Variants in CALCR observed in about 807,000 individuals in gnomAD.
CALCR encodes calcitonin receptor.
In CALCR, 47 loss-of-function variants were observed where a neutral mutation model predicts 59.5. That is an observed-to-expected ratio of 0.79 (90% CI 0.63 to 1.01). CALCR has a LOEUF of 1.01. Among genes scored for constraint, CALCR ranks in the 50% least tolerant of loss-of-function variants. The pLI is 0.00. For synonymous variants in CALCR, 213 were observed against 211.3 expected, an observed-to-expected ratio of 1.01 and a Z score of -0.07; for missense variants, 566 against 597.1, an observed-to-expected ratio of 0.95 and a Z score of 0.54.
intron 2 of CALCR, among the ~76,000 whole-genome samples, chr7:93,500,332 G>A (rs1801295930): frequency 6.6e-6 from 1 of 151,812 alleles, no homozygotes; most frequent in South Asian, 2.1e-4. Context: ...ATTCTGTTTG[G>A]TTCTGATATC....
At chr7:93,460,286 T>C (rs1187878995) in intron 8 of CALCR, among the ~76,000 whole-genome samples, 1 of 151,998 alleles carries the variant, frequency 6.6e-6, no homozygotes, top group African/African-American at 2.4e-5. Context: ...CCGGGTGTGG[T>C]GGCTCACACC....
intron 2 of CALCR, among the ~76,000 whole-genome samples, chr7:93,539,543 A>G (rs892597096): frequency 2.0e-5 from 3 of 152,078 alleles, no homozygotes; most frequent in Non-Finnish European, 4.4e-5. Flanking sequence ...CTGACAATGT[A>G]TTCTTTGGTC....
At chr7:93,522,236 TG>T (rs1801779386) in intron 2 of CALCR, among the ~76,000 whole-genome samples, 1 of 152,126 alleles carries the variant, frequency 6.6e-6, no homozygotes, top group Non-Finnish European at 1.5e-5. Flanking sequence ...ATAAAGAAAA[TG>T]GCTTTAAATA....
intron 2 of CALCR, among the ~76,000 whole-genome samples, chr7:93,519,930 CA>C (rs1464041349): frequency 6.6e-6 from 1 of 151,904 alleles, no homozygotes; most frequent in Non-Finnish European, 1.5e-5. Context: ...AATGGTGAGT[CA>C]ATTAAACCTC....
chr7:93,535,751 C>A (rs1788968145), intron 2 of CALCR, among the ~76,000 whole-genome samples: 1 of 151,548 alleles, frequency 6.6e-6, no homozygotes. Context: ...GCTGTGTATG[C>A]TCTTTATGGA....
chr7:93,468,835 C>A (rs1382543813), intron 6 of CALCR, 29 bp from the exon 7 acceptor site: 2 of 1,266,516 alleles, frequency 1.6e-6, no homozygotes, highest in Non-Finnish European at 2.3e-6. Context: ...AACAAACAAA[C>A]AATGAATGAA....
intron 2 of CALCR, among the ~76,000 whole-genome samples, chr7:93,539,333 G>T (rs1789070364): frequency 6.6e-6 from 1 of 151,830 alleles, no homozygotes; most frequent in Non-Finnish European, 1.5e-5. Context: ...TTGCCATTTA[G>T]AGTAGGTGTA....
intron 13 of CALCR, among the ~76,000 whole-genome samples, chr7:93,429,373 G>A (rs17165396): frequency 0.062 from 9,469 of 152,242 alleles, 436 homozygotes; most frequent in Admixed American, 0.14. Context: ...TCAGTTGTAA[G>A]TGGGATAAAT....
At chr7:93,436,506 C>A (rs1562973101) in intron 11 of CALCR, among the ~76,000 whole-genome samples, 1 of 152,082 alleles carries the variant, frequency 6.6e-6, no homozygotes, top group Non-Finnish European at 1.5e-5. Context: ...TCTGCATTTT[C>A]CTGATGATAC....
chr7:93,453,764 T>C (rs759833816), intron 8 of CALCR, among the ~76,000 whole-genome samples: 5 of 151,926 alleles, frequency 3.3e-5, no homozygotes, highest in Non-Finnish European at 7.4e-5. Context: ...GGGTATATGT[T>C]TATATCCACT....
chr7:93,467,981 A>G (rs973203244), intron 7 of CALCR, among the ~76,000 whole-genome samples: 3 of 151,572 alleles, frequency 2.0e-5, no homozygotes, highest in Non-Finnish European at 3.0e-5. Flanking sequence ...CTGAATCTAC[A>G]TTTGTGAACA....
At chr7:93,430,893 G>A (rs1321271470) in intron 13 of CALCR, among the ~76,000 whole-genome samples, 1 of 152,200 alleles carries the variant, frequency 6.6e-6, no homozygotes, top group Non-Finnish European at 1.5e-5. Flanking sequence ...GCTTAGCATT[G>A]AGACTCAAAG....
intron 2 of CALCR, among the ~76,000 whole-genome samples, chr7:93,540,580 C>G (rs1789105589): frequency 6.6e-6 from 1 of 151,824 alleles, no homozygotes; most frequent in Non-Finnish European, 1.5e-5. Context: ...GGCTAATAAA[C>G]TCTATCTTTT....
At chr7:93,566,656 T>C (rs1789869988) in intron 2 of CALCR, among the ~76,000 whole-genome samples, 1 of 152,176 alleles carries the variant, frequency 6.6e-6, no homozygotes, top group Admixed American at 6.6e-5. Flanking sequence ...GCTGGGTCCC[T>C]GTAAGTTTTC....
rs140748927 is a variant in CALCR at position 93,452,066 on chromosome 7, G to C, written c.649-8309C>G. 1.3e-3 allele frequency among the ~76,000 whole-genome samples: 191 copies of C among 151,950 alleles called. No homozygotes were observed. The Middle Eastern group carries it at 0.014, about 11-fold the overall frequency. ...GTATGTGTTGAAAAACCAGTTATTG[G>C]GTACTATGCTCACTACCTGAGTGAC... On this transcript the variant is annotated intron_variant, in intron 8 of 13. Transcript: ENST00000426151.
chr7:93,483,772 G>A (rs2115913850), intron 3 of CALCR, among the ~76,000 whole-genome samples: 1 of 151,446 alleles, frequency 6.6e-6, no homozygotes, highest in South Asian at 2.1e-4. Context: ...TTATTTCAGG[G>A]GGTTAAATAA....
chr7:93,568,555 C>CTCTCTG (rs1789924494), intron 2 of CALCR, among the ~76,000 whole-genome samples: 1 of 139,402 alleles, frequency 7.2e-6, no homozygotes, highest in African/African-American at 2.8e-5. Context: ...CTCTCTCTCT[C>CTCTCTG]TGTCTCTCTC....
At position 93,434,798 on chromosome 7, in the gene CALCR, C is replaced by T. The variant is rs114663436; in HGVS notation, c.1150-504G>A. ...ACTAAGAAACTGCCTGAGTCCTGGT[C>T]ACTGCTTGAAGATTTCTTGTGCCCA... On this transcript the variant is annotated intron_variant, in intron 12 of 13. Coordinates refer to ENST00000426151, the MANE Select transcript of CALCR (RefSeq NM_001742.4). Among the ~76,000 whole-genome samples the T allele has an allele frequency of 5.1e-3, 776 of 152,276 alleles. 8 individuals carry two copies. Among genetic ancestry groups the T allele is most frequent in the African/African-American group, 0.018 (753 of 41,542 alleles).
chr7:93,560,711 AT>A (rs1789725818), intron 2 of CALCR, among the ~76,000 whole-genome samples: 1 of 152,162 alleles, frequency 6.6e-6, no homozygotes, highest in Non-Finnish European at 1.5e-5. Flanking sequence ...GCACATTTAA[AT>A]CAGTGGCATT....
Sources: allele counts gnomAD v4.1 joint callset (sites outside exome capture counted in the v4.1 genomes callset), GRCh38; gene constraint gnomAD v4.1.1; transcripts MANE v1.5; gene names NCBI Gene and HGNC (gene_info 2026-07-23, HGNC 2026-07-21).